POLN: variants seen among roughly 807,000 people sequenced by gnomAD.
POLN encodes the protein DNA polymerase N.
POLN carries 108 observed loss-of-function variants against 113.5 expected under a neutral mutation model. The ratio of observed to expected loss-of-function variants is 0.95; its 90% CI spans 0.81 to 1.12. The LOEUF (loss-of-function observed/expected upper bound fraction) is 1.12. Among genes scored for constraint, POLN ranks in the 50% most tolerant of loss-of-function variants. The probability of loss-of-function intolerance (pLI) is 0.00; values close to 1 mark genes in which losing one functional copy is unlikely to be tolerated. For synonymous variants in POLN, 386 were observed against 391.5 expected (o/e 0.99, Z 0.17); for missense variants, 1,097 against 1,077.1 (o/e 1.02, Z -0.26).
At chr4:2,136,954 G>A (rs1731872100) in intron 16 of POLN, among the ~76,000 whole-genome samples, 1 of 152,250 alleles carries the variant, frequency 6.6e-6, no homozygotes, top group African/African-American at 2.4e-5. Flanking sequence ...AGAAAGCTGT[G>A]GCAGTCGCCC....
intron 13 of POLN, among the ~76,000 whole-genome samples, chr4:2,159,544 A>C (rs906893372): frequency 8.5e-5 from 13 of 152,360 alleles, no homozygotes; most frequent in Non-Finnish European, 1.5e-4. Context: ...AATTTCAGGG[A>C]GGGAGTAATG....
rs75772103 is a variant in POLN at position 2,200,483 on chromosome 4, C to G, written c.715-1766G>C. Among the ~76,000 whole-genome samples the G allele has an allele frequency of 4.7e-3, 721 of 152,298 alleles. 2 individuals carry two copies. The highest frequency in any genetic ancestry group is 0.01 in the Middle Eastern group (3 of 294). ...ATTGCTCCTGCTCCCAGGAGACACC[C>G]CAAATACTGTGTTGGTATCCACAAC... is the stretch of plus-strand genomic sequence containing the variant. On this transcript the variant is annotated intron_variant, in intron 5 of 25. Transcript: ENST00000511885.
At chr4:2,083,192 G>T (rs1047335291) in intron 21 of POLN, among the ~76,000 whole-genome samples, 7 of 152,262 alleles carry the variant, frequency 4.6e-5, no homozygotes, top group African/African-American at 1.7e-4. Context: ...ACTCCTTGAA[G>T]ATTTACAAGG....
At chr4:2,079,769 G>T in intron 23 of POLN, 1 of 799,320 alleles carries the variant, frequency 1.3e-6, no homozygotes, top group Non-Finnish European at 1.5e-6. Flanking sequence ...ATTTTTAGTA[G>T]TGACGATGTT....
At chr4:2,086,579 A>G (rs1038615948) in intron 20 of POLN, among the ~76,000 whole-genome samples, 17 of 152,224 alleles carry the variant, frequency 1.1e-4, no homozygotes, top group African/African-American at 3.6e-4. Flanking sequence ...TTGGTGCTCA[A>G]TATACACTCA....
chr4:2,178,501 C>G (rs991098991), intron 8 of POLN, among the ~76,000 whole-genome samples: 1 of 152,228 alleles, frequency 6.6e-6, no homozygotes, highest in Non-Finnish European at 1.5e-5. Flanking sequence ...GTCTCTCTCT[C>G]TGGGTTCTAG....
At chr4:2,158,277 A>G (rs1732489212) in intron 14 of POLN, among the ~76,000 whole-genome samples, 1 of 152,076 alleles carries the variant, frequency 6.6e-6, no homozygotes, top group African/African-American at 2.4e-5. Context: ...GAATAGTGTG[A>G]ATAGTGTTTC....
intron 4 of POLN, 73 bp downstream of exon 4, chr4:2,212,974 T>C (rs975114701): frequency 9.3e-6 from 10 of 1,073,256 alleles, no homozygotes; most frequent in African/African-American, 8.0e-5. Flanking sequence ...TAGCACACAG[T>C]AGAACACTTA....
intron 2 of POLN, chr4:2,240,502 T>G (rs775449759): frequency 1.9e-6 from 3 of 1,613,958 alleles, no homozygotes; most frequent in Non-Finnish European, 1.7e-6. Flanking sequence ...TGACTCTGCT[T>G]CAGCTTTTTA....
At chr4:2,212,325 A>T (rs539181812) in intron 4 of POLN, among the ~76,000 whole-genome samples, 50 of 152,110 alleles carry the variant, frequency 3.3e-4, no homozygotes, top group African/African-American at 1.2e-3. Flanking sequence ...TATCTGAAAA[A>T]TTTCTCAATG....
intron 20 of POLN, among the ~76,000 whole-genome samples, chr4:2,086,076 G>C (rs1730542588): frequency 6.6e-6 from 1 of 152,214 alleles, no homozygotes; most frequent in Admixed American, 6.5e-5. Flanking sequence ...GAGGAAAAGA[G>C]GAAGGGGAAG....
rs115120804 is a variant in POLN, at chr4:2,233,099, G to A, written c.-12-3856C>T. 2.1e-3 allele frequency among the ~76,000 whole-genome samples: 319 copies of A among 152,248 alleles called. 1 individual carries two copies. Among genetic ancestry groups the A allele is most frequent in the African/African-American group, 7.2e-3 (299 of 41,558 alleles). Reference sequence around the variant, plus strand: ...TGACTACTTAAGACCTGTCATAAATGCCAATTCACAGAGGAGTACTTCTTA... The same window carrying A: ...TGACTACTTAAGACCTGTCATAAATACCAATTCACAGAGGAGTACTTCTTA... On this transcript the variant is annotated intron_variant, in intron 2 of 25. Transcript: ENST00000511885.
At chr4:2,080,596 G>C in intron 23 of POLN, 1 of 1,209,940 alleles carries the variant, frequency 8.3e-7, no homozygotes, top group South Asian at 1.7e-5. Context: ...AGGCAGGGGT[G>C]GGGGCAGTTT....
At chr4:2,217,219 A>T (rs1239876676) in intron 3 of POLN, among the ~76,000 whole-genome samples, 1 of 152,122 alleles carries the variant, frequency 6.6e-6, no homozygotes, top group Non-Finnish European at 1.5e-5. Context: ...TTCTCCTTCC[A>T]CACAAAGTAG....
intron 2 of POLN, chr4:2,238,823 A>G: frequency 6.2e-7 from 1 of 1,612,488 alleles, no homozygotes; most frequent in Non-Finnish European, 8.5e-7. Flanking sequence ...TTGTTTTATT[A>G]ATTGATTTAA....
intron 3 of POLN, among the ~76,000 whole-genome samples, chr4:2,216,952 G>A (rs1299287844): frequency 2.6e-5 from 4 of 152,230 alleles, no homozygotes; most frequent in African/African-American, 9.6e-5. Flanking sequence ...AGCCCAGTGT[G>A]CCAGCATGGG....
chr4:2,096,222 C>T (rs1730786860), intron 19 of POLN, among the ~76,000 whole-genome samples: 1 of 152,208 alleles, frequency 6.6e-6, no homozygotes, highest in Admixed American at 6.5e-5. Context: ...CAAAGGCATG[C>T]CCATCCAACT....
At chr4:2,089,426 C>T (rs1481804543) in intron 20 of POLN, 1 of 1,395,880 alleles carries the variant, frequency 7.2e-7, no homozygotes, top group African/African-American at 1.4e-5. Context: ...TTACAAAGGT[C>T]AGACAAAGTA....
chr4:2,102,198 T>C lies in POLN; in HGVS notation c.1983-6265A>G, dbSNP rs1730943961. 3.9e-5 allele frequency among the ~76,000 whole-genome samples: 6 copies of C among 152,050 alleles called. No homozygotes were observed. In the South Asian group the frequency reaches 1.2e-3, roughly 32 times the overall value. On this transcript the variant is annotated intron_variant, in intron 19 of 25. Transcript: ENST00000511885. ...CATGCACTTTCCACTGGGGGGCACT[T>C]AACACTGGGGGTCCAGCACAAGTTC...
Sources: allele counts gnomAD v4.1 joint callset (sites outside exome capture counted in the v4.1 genomes callset), GRCh38; gene constraint gnomAD v4.1.1; transcripts MANE v1.5; gene names NCBI Gene and HGNC (gene_info 2026-07-23, HGNC 2026-07-21).